GARNL3: variants seen among roughly 807,000 people sequenced by gnomAD.
GARNL3 encodes GTPase-activating Rap/Ran-GAP domain-like protein 3.
Under a neutral mutation model 125.0 loss-of-function variants are expected in GARNL3, and 63 were observed. The ratio of observed to expected loss-of-function variants is 0.50; its 90% CI spans 0.41 to 0.62. The LOEUF (loss-of-function observed/expected upper bound fraction) is 0.62. Ranked by LOEUF, GARNL3 falls within the 20% of genes least tolerant of loss-of-function variation. The pLI is 0.00. For missense variants in GARNL3, 994 were observed against 1,244.0 expected, an observed-to-expected ratio of 0.80 and a Z score of 3.02; for synonymous variants, 439 against 457.5, an observed-to-expected ratio of 0.96 and a Z score of 0.52.
intron 22 of GARNL3, among the ~76,000 whole-genome samples, chr9:127,368,537 G>C (rs1831419324): frequency 6.6e-6 from 1 of 150,648 alleles, no homozygotes; most frequent in South Asian, 2.1e-4. Context: ...CACCATGTTG[G>C]TCAGGCTGGT....
At chr9:127,381,218 A>G (rs2131808445) in intron 22 of GARNL3, among the ~76,000 whole-genome samples, 1 of 152,344 alleles carries the variant, frequency 6.6e-6, no homozygotes, top group South Asian at 2.1e-4. Flanking sequence ...TGGTCTATAA[A>G]TGATCTCAGT....
intron 25 of GARNL3, 47 bp downstream of exon 25, chr9:127,387,378 A>G (rs1353276431): frequency 2.0e-6 from 3 of 1,522,586 alleles, no homozygotes; most frequent in African/African-American, 2.8e-5. Flanking sequence ...AATTCACTCT[A>G]ATTTCTCTAG....
At position 127,266,536 on chromosome 9, in the gene GARNL3, A is replaced by G. The variant is rs1227429579; in HGVS notation, c.144+1515A>G. Among the ~76,000 whole-genome samples the G allele has an allele frequency of 1.3e-5, 2 of 152,220 alleles. No homozygotes were observed. The highest frequency in any genetic ancestry group is 2.4e-5 in the African/African-American group (1 of 41,458). On this transcript the variant is annotated intron_variant, in intron 1 of 27. Transcript: ENST00000373387. The surrounding 1 kb of genome is among the most constrained non-coding windows in gnomAD (Gnocchi z 4.0). Reference sequence around the variant, plus strand: ...CTGAACCTCAGTAATGCTGAAGAACATGTGATCTGAAGTCATTCTTGTTTC... The same window carrying G: ...CTGAACCTCAGTAATGCTGAAGAACGTGTGATCTGAAGTCATTCTTGTTTC...
rs541087786 is a variant in GARNL3 at position 127,307,941 on chromosome 9, C to A, written c.220-3695C>A. Among the ~76,000 whole-genome samples the A allele has an allele frequency of 1.4e-3, 216 of 152,280 alleles. 2 individuals carry two copies. Among genetic ancestry groups the A allele is most frequent in the African/African-American group, 4.9e-3 (204 of 41,552 alleles). ...GGCCAGCTTCCTTGGCTGGACTCCC[C>A]CTATGTCTGGTCAGCTGATGCCTGA... On this transcript the variant is annotated intron_variant, in intron 2 of 27. Transcript: ENST00000373387.
At chr9:127,327,409 C>T (rs1165733390) in intron 7 of GARNL3, among the ~76,000 whole-genome samples, 1 of 152,142 alleles carries the variant, frequency 6.6e-6, no homozygotes, top group East Asian at 1.9e-4. Flanking sequence ...GAAGGTTTCT[C>T]TGAGGCAGGG....
intron 1 of GARNL3, among the ~76,000 whole-genome samples, chr9:127,241,837 G>A (rs1363882341): frequency 2.0e-5 from 3 of 151,968 alleles, no homozygotes; most frequent in East Asian, 1.9e-4. Flanking sequence ...GTGCAATCTC[G>A]GCTCACTGCA....
intron 1 of GARNL3, among the ~76,000 whole-genome samples, chr9:127,285,380 G>A (rs1239192517): frequency 1.3e-5 from 2 of 152,298 alleles, no homozygotes; most frequent in South Asian, 2.1e-4. Context: ...TTGAGATCAC[G>A]CCATTGCACT....
rs1588945868 is a variant in GARNL3 at position 127,367,225 on chromosome 9, C to T, written c.2161+1859C>T. The T allele has an allele frequency of 2.6e-5, 4 of 152,344 alleles. No homozygotes were observed. The East Asian group carries it at 5.8e-4, about 22-fold the overall frequency. 9.4% of individuals were successfully genotyped at this position (152,344 alleles called of 1,614,324 possible). A position where few individuals can be genotyped will look rare whatever the true frequency, so the allele number is the denominator to read the frequency against. On this transcript the variant is annotated intron_variant, in intron 22 of 27. Coordinates refer to ENST00000373387, the MANE Select transcript of GARNL3 (RefSeq NM_032293.5). Reference sequence around the variant, plus strand: ...AACTCATTCCTGCACACACAGCACACGTGGAATTTGCCTGTTTAGTCTATG... The same window carrying T: ...AACTCATTCCTGCACACACAGCACATGTGGAATTTGCCTGTTTAGTCTATG...
At chr9:127,368,519 C>T (rs1276939892) in intron 22 of GARNL3, among the ~76,000 whole-genome samples, 56 of 150,806 alleles carry the variant, frequency 3.7e-4, no homozygotes, top group African/African-American at 1.2e-3. Context: ...TAGTTAGAGA[C>T]GGGGTTTCAC....
At chr9:127,283,928 G>T (rs1235772217) in intron 1 of GARNL3, among the ~76,000 whole-genome samples, 1 of 152,132 alleles carries the variant, frequency 6.6e-6, no homozygotes, top group Non-Finnish European at 1.5e-5. Context: ...AAAAAATCCT[G>T]TCCTCTTTTC....
At chr9:127,276,228 T>A (rs573615904) in intron 1 of GARNL3, among the ~76,000 whole-genome samples, 1 of 152,238 alleles carries the variant, frequency 6.6e-6, no homozygotes, top group South Asian at 2.1e-4. Context: ...TCTCAAGTTA[T>A]CCTCCCACCT....
chr9:127,350,064 A>G (rs900438397), intron 17 of GARNL3, among the ~76,000 whole-genome samples: 4 of 152,178 alleles, frequency 2.6e-5, no homozygotes, highest in African/African-American at 9.7e-5. Flanking sequence ...CGTGCTTCAT[A>G]ATGGATCTAT....
rs763623214 is a variant in GARNL3 at position 127,354,347 on chromosome 9, G to A, written c.1696G>A (p.Glu566Lys). ...FRLSALQKGL[E>K]GKQAGKSRSD... ...GCTAAGTGCTCTGCAAAAGGGCCTT[G>A]AGGGGAAGCAGGCTGGGAAGAGCAG... Residue 566 changes from glutamate to lysine, a missense_variant, in exon 19 of 28, where the codon GAG becomes AAG. Coordinates refer to ENST00000373387, the MANE Select transcript of GARNL3 (RefSeq NM_032293.5). The A allele has an allele frequency of 1.2e-5, 20 of 1,613,948 alleles. No individual in the cohort carries two copies. The highest frequency in any genetic ancestry group is 1.7e-5 in the Non-Finnish European group (20 of 1,179,960).
At chr9:127,379,633 A>T (rs1454465517) in intron 22 of GARNL3, among the ~76,000 whole-genome samples, 1 of 152,220 alleles carries the variant, frequency 6.6e-6, no homozygotes, top group African/African-American at 2.4e-5. Context: ...CTGTTACAAC[A>T]TCATTTATAA....
At chr9:127,336,017 G>T in intron 10 of GARNL3, 111 bp from the exon 11 acceptor site, 1 of 754,280 alleles carries the variant, frequency 1.3e-6, no homozygotes, top group East Asian at 2.8e-5. Context: ...CTGAAGTTCA[G>T]GGCTCTGTCA....
intron 26 of GARNL3, 101 bp downstream of exon 26, chr9:127,389,220 GT>G: frequency 1.2e-6 from 1 of 854,758 alleles, no homozygotes; most frequent in South Asian, 1.6e-5. Flanking sequence ...TAAAAGGAAA[GT>G]TTCCTTTTAA....
At chr9:127,225,498 G>T in intron 1 of GARNL3, 1 of 491,574 alleles carries the variant, frequency 2.0e-6, no homozygotes, top group Non-Finnish European at 2.6e-6. Flanking sequence ...CGTGGCGTGG[G>T]AAGGGTCTGC....
Position 127,328,248 on chromosome 9 carries a change from C to CT in GARNL3, c.594+3154dup, listed in dbSNP as rs1829005334. ...AGGGGGATATTAGCTTGAGACAACA[C>CT]TAGTCACTTGTCATGACATCTTGGA... On this transcript the variant is annotated intron_variant, in intron 7 of 27. Coordinates refer to ENST00000373387, the MANE Select transcript of GARNL3 (RefSeq NM_032293.5). 2.0e-5 allele frequency among the ~76,000 whole-genome samples: 3 copies of CT among 152,272 alleles called. No individual in the cohort carries two copies. In the South Asian group the frequency reaches 6.2e-4, roughly 32 times the overall value.
chr9:127,346,011 G>A (rs1206479181), intron 16 of GARNL3, among the ~76,000 whole-genome samples: 2 of 152,198 alleles, frequency 1.3e-5, no homozygotes, highest in Admixed American at 1.3e-4. Flanking sequence ...CTTCCCAGGT[G>A]ATCTTGATGC....
Sources: allele counts gnomAD v4.1 joint callset (sites outside exome capture counted in the v4.1 genomes callset), GRCh38; gene constraint gnomAD v4.1.1; non-coding constraint Gnocchi (gnomAD v3.1); transcripts MANE v1.5; gene names NCBI Gene and HGNC (gene_info 2026-07-23, HGNC 2026-07-21).